The following EML6 variants were observed in gnomAD, a reference collection of about 807,000 sequenced individuals.
EML6 encodes the protein EMAP like 6, also known as echinoderm microtubule-associated protein-like 6.
In EML6, 154 loss-of-function variants were observed where a neutral mutation model predicts 240.1. The observed-to-expected ratio is 0.64, with a 90% CI of 0.56 to 0.73. The LOEUF is 0.73. Among genes scored for constraint, EML6 ranks in the 30% least tolerant of loss-of-function variants. The pLI, the probability that EML6 is intolerant of heterozygous loss-of-function variation, is 0.00. For synonymous variants in EML6, 1,148 were observed against 899.0 expected (o/e 1.28, Z -4.95); for missense variants, 2,964 against 2,474.6 (o/e 1.20, Z -4.20).
chr2:54,901,135 G>GT (rs1673036391), intron 22 of EML6, among the ~76,000 whole-genome samples: 1 of 152,216 alleles, frequency 6.6e-6, no homozygotes, highest in Non-Finnish European at 1.5e-5. Context: ...AACCCCATGA[G>GT]TAAGGCTATT....
At chr2:54,787,119 G>T (rs1669133620) in intron 2 of EML6, among the ~76,000 whole-genome samples, 1 of 152,202 alleles carries the variant, frequency 6.6e-6, no homozygotes, top group Admixed American at 6.5e-5. Context: ...GTTCAGCAGG[G>T]CTTCGGGGAG....
At chr2:54,784,908 A>G (rs770366056) in intron 2 of EML6, among the ~76,000 whole-genome samples, 229 of 152,322 alleles carry the variant, frequency 1.5e-3, no homozygotes, top group Middle Eastern at 0.014. Flanking sequence ...AGAGTACATC[A>G]TCTGTTTACA....
intron 2 of EML6, among the ~76,000 whole-genome samples, chr2:54,730,222 G>C (rs562153484): frequency 1.3e-5 from 2 of 152,150 alleles, no homozygotes; most frequent in Admixed American, 6.5e-5. Flanking sequence ...ATCTATTAGA[G>C]ATTTTAATTA....
Position 54,731,017 on chromosome 2 carries a change from T to G in EML6, c.197+5759T>G, listed in dbSNP as rs1419935191. On this transcript the variant is annotated intron_variant, in intron 2 of 41. Transcript: ENST00000356458. Reference sequence around the variant, plus strand: ...AGAGAAACTGGGTTGAATGGGGGTATGGAAGCCACCTTAGGCAAGATTTCC... The same window carrying G: ...AGAGAAACTGGGTTGAATGGGGGTAGGGAAGCCACCTTAGGCAAGATTTCC... Among the ~76,000 whole-genome samples the G allele has an allele frequency of 2.0e-5, 3 of 152,142 alleles. No individual in the cohort carries two copies. In the East Asian group the frequency reaches 5.8e-4, roughly 29 times the overall value.
rs1292438147 is a variant in EML6 at position 54,844,211 on chromosome 2, C to T, written c.1012C>T (p.Pro338Ser). The stretch of plus-strand genomic sequence containing the variant: ...GGCTCTGGCCCTGCACCCCAAGAAG[C>T]CTCTGGCTGTGACAGGCAGCGATGA... ...LWALALHPKK[P>S]LAVTGSDDRS... is the part of the protein sequence containing the mutation. The change falls in exon 8 of 42, where the codon CCT (proline) becomes TCT (serine). Residue 338 changes from proline (P) to serine (S), a missense_variant. By Grantham distance (74) the Pro-to-Ser change is moderately conservative. Coordinates refer to ENST00000356458, the MANE Select transcript of EML6 (RefSeq NM_001039753.4). The T allele has an allele frequency of 4.5e-6, 7 of 1,551,684 alleles. No homozygotes were observed. The Admixed American group carries it at 1.4e-4, about 30-fold the overall frequency.
At chr2:54,901,935 A>T (rs542475044) in intron 22 of EML6, among the ~76,000 whole-genome samples, 1 of 152,242 alleles carries the variant, frequency 6.6e-6, no homozygotes, top group Non-Finnish European at 1.5e-5. Flanking sequence ...TTGTGACCCT[A>T]CAAAGGAGTA....
At chr2:54,851,368 G>A (rs1008649483) in intron 10 of EML6, among the ~76,000 whole-genome samples, 1 of 152,122 alleles carries the variant, frequency 6.6e-6, no homozygotes, top group Non-Finnish European at 1.5e-5. Flanking sequence ...AGCTGAGATC[G>A]CACCACTGCA....
intron 7 of EML6, among the ~76,000 whole-genome samples, chr2:54,834,985 C>G (rs1207478523): frequency 1.3e-5 from 2 of 152,196 alleles, no homozygotes; most frequent in East Asian, 1.9e-4. Flanking sequence ...CAGTCAAAGT[C>G]CTTATGGCAG....
intron 31 of EML6, among the ~76,000 whole-genome samples, chr2:54,953,374 A>G (rs572840616): frequency 2.0e-5 from 3 of 152,288 alleles, no homozygotes; most frequent in Admixed American, 6.5e-5. Context: ...ATGTCATTCT[A>G]TCATGTTTGC....
intron 7 of EML6, among the ~76,000 whole-genome samples, chr2:54,843,760 G>A (rs975054124): frequency 1.9e-4 from 28 of 151,282 alleles, no homozygotes; most frequent in African/African-American, 5.6e-4. Context: ...GGAGAATGGC[G>A]TGAACCCGGG....
intron 7 of EML6, among the ~76,000 whole-genome samples, chr2:54,838,270 C>T (rs1669257768): frequency 6.6e-6 from 1 of 152,180 alleles, no homozygotes; most frequent in South Asian, 2.1e-4. Flanking sequence ...AAGATCCTGA[C>T]CTAGCACAAA....
Position 54,813,277 on chromosome 2 carries a change from C to T in EML6, c.243C>T (p.Val81=), listed in dbSNP as rs1426594995. The change falls in exon 3 of 42, where the codon GTC becomes GTT. Residue 81 remains valine, a synonymous_variant. Coordinates refer to ENST00000356458, the MANE Select transcript of EML6 (RefSeq NM_001039753.4). ...AAACTCTCGTTGCAACTGGCCAAGTCGGGAAGGAGCCATATATATGCATAT... is the reference window on the plus strand; with the variant it reads ...AAACTCTCGTTGCAACTGGCCAAGTTGGGAAGGAGCCATATATATGCATAT... ...PDKTLVATGQ[V]GKEPYICIWD... The T allele has an allele frequency of 9.7e-6, 15 of 1,550,526 alleles. No homozygotes were observed. The highest frequency in any genetic ancestry group is 9.6e-5 in the African/African-American group (7 of 73,028).
chr2:54,827,137 C>G lies in EML6; in HGVS notation c.526-429C>G, dbSNP rs1047207768. Among the ~76,000 whole-genome samples, 45 of 152,236 alleles carry G rather than the reference C, an allele frequency of 3.0e-4. 1 individual carries two copies. Among genetic ancestry groups the G allele is most frequent in the African/African-American group, 1.1e-3 (45 of 41,466 alleles). ...GCAGTGAGCTGAGATGGCGCCATTG[C>G]ATTCCAGAAGTTACAGACTATCACA... On this transcript the variant is annotated intron_variant, in intron 5 of 41. Coordinates refer to ENST00000356458, the MANE Select transcript of EML6 (RefSeq NM_001039753.4).
intron 2 of EML6, among the ~76,000 whole-genome samples, chr2:54,769,918 C>T (rs1161136006): frequency 6.6e-6 from 1 of 152,126 alleles, no homozygotes; most frequent in African/African-American, 2.4e-5. Flanking sequence ...CTCTGGAAAG[C>T]CACTATAAAT....
chr2:54,930,525 T>G (rs1674797303), intron 28 of EML6, among the ~76,000 whole-genome samples: 1 of 152,188 alleles, frequency 6.6e-6, no homozygotes, highest in Non-Finnish European at 1.5e-5. Flanking sequence ...ACTCTTTTTT[T>G]TTTTATCAAA....
chr2:54,729,612 T>G (rs991793911), intron 2 of EML6, among the ~76,000 whole-genome samples: 2 of 152,188 alleles, frequency 1.3e-5, no homozygotes, highest in African/African-American at 4.8e-5. Flanking sequence ...GACTGTGGAA[T>G]GGGAATTGGA....
Position 54,891,106 on chromosome 2 carries a change from A to C in EML6, c.2491A>C (p.Lys831Gln), listed in dbSNP as rs1297765698. ...AAAGTGTAACCCACACCATGTTGAC[A>C]AACTGGTTACAGTTGGGATAAAACA... ...VVKCNPHHVD[K>Q]LVTVGIKHIK... Residue 831 changes from lysine (K) to glutamine (Q), a missense_variant, in exon 18 of 42, where the codon AAA becomes CAA. By Grantham distance (53) the Lys-to-Gln change is moderately conservative. Transcript: ENST00000356458. The C allele has an allele frequency of 4.0e-6, 6 of 1,510,780 alleles. No homozygotes were observed. The highest frequency in any genetic ancestry group is 5.4e-6 in the Non-Finnish European group (6 of 1,116,494). 93.6% of individuals were successfully genotyped at this position (1,510,780 alleles called of 1,614,324 possible).
chr2:54,957,865 A>G lies in EML6; in HGVS notation c.4562A>G (p.Gln1521Arg). Reference sequence around the variant, plus strand: ...GAATTTCGCCCCGACTCAGACACGCAGTTTGTATCTGTCGGGGTCAAACAT... The same window carrying G: ...GAATTTCGCCCCGACTCAGACACGCGGTTTGTATCTGTCGGGGTCAAACAT... ...VVEFRPDSDT[Q>R]FVSVGVKHMK... Residue 1521 changes from glutamine to arginine, a missense_variant, in exon 33 of 42, where the codon CAG becomes CGG. Gln to Arg is a conservative substitution (Grantham distance 43). Transcript: ENST00000356458. 6.4e-7 allele frequency: 1 copy of G among 1,551,312 alleles called. No individual in the cohort carries two copies. Among genetic ancestry groups the G allele is most frequent in the Admixed American group, 2.0e-5 (1 of 51,008 alleles).
At chr2:54,820,496 G>C in intron 5 of EML6, 34 bp downstream of exon 5, 1 of 1,257,452 alleles carries the variant, frequency 8.0e-7, no homozygotes, top group Non-Finnish European at 1.1e-6. Context: ...TTGGTACCTT[G>C]AGTGCAAATA....
Sources: allele counts gnomAD v4.1 joint callset (sites outside exome capture counted in the v4.1 genomes callset), GRCh38; gene constraint gnomAD v4.1.1; transcripts MANE v1.5; gene names NCBI Gene and HGNC (gene_info 2026-07-23, HGNC 2026-07-21).